ANK3: variants seen among roughly 807,000 people sequenced by gnomAD.
ANK3 encodes the protein ankyrin 3.
In ANK3, 57 loss-of-function variants were observed where a neutral mutation model predicts 370.9. The observed-to-expected ratio is 0.15, with a 90% confidence interval of 0.12 to 0.19. The LOEUF is 0.19. ANK3 is among the 10% of genes least tolerant of loss of function. The pLI is 1.00. For missense variants in ANK3, 4,439 were observed against 5,302.1 expected, an observed-to-expected ratio of 0.84 and a Z score of 5.06; for synonymous variants, 1,929 against 1,946.3, an observed-to-expected ratio of 0.99 and a Z score of 0.23.
intron 1 of ANK3, among the ~76,000 whole-genome samples, chr10:60,295,281 G>A (rs896617982): frequency 6.6e-6 from 1 of 152,084 alleles, no homozygotes; most frequent in Non-Finnish European, 1.5e-5. Flanking sequence ...TGTGACTTTG[G>A]CCAAGATACT....
At chr10:60,443,397 T>A (rs1207177320) in intron 2 of ANK3, among the ~76,000 whole-genome samples, 1 of 151,980 alleles carries the variant, frequency 6.6e-6, no homozygotes, top group Non-Finnish European at 1.5e-5. Context: ...CTTCACTTTG[T>A]TTTTTCTGGA....
At chr10:60,345,654 A>C (rs2055284462) in intron 1 of ANK3, among the ~76,000 whole-genome samples, 2 of 152,180 alleles carry the variant, frequency 1.3e-5, no homozygotes, top group African/African-American at 4.8e-5. Flanking sequence ...CAGTTCATTC[A>C]TCCAACACAT....
At chr10:60,293,961 T>C (rs987597036) in intron 1 of ANK3, among the ~76,000 whole-genome samples, 1 of 152,258 alleles carries the variant, frequency 6.6e-6, no homozygotes, top group African/African-American at 2.4e-5. Context: ...TGGTATGTTA[T>C]GAATCAGAAC....
chr10:60,390,603 G>T (rs139578151), upstream of ANK3, among the ~76,000 whole-genome samples: 520 of 152,088 alleles, frequency 3.4e-3, 3 homozygotes, highest in South Asian at 0.022. Flanking sequence ...GCACACACCG[G>T]AAGAAATCTA....
At chr10:60,085,045 GA>G in intron 31 of ANK3, 111 bp downstream of exon 31, 1 of 911,454 alleles carries the variant, frequency 1.1e-6, no homozygotes, top group South Asian at 1.9e-5. Context: ...AAATACTACG[GA>G]TTTTTTTTCT....
At chr10:60,302,477 C>G (rs35628300) in intron 1 of ANK3, among the ~76,000 whole-genome samples, 15,340 of 152,072 alleles carry the variant, frequency 0.1, 979 homozygotes, top group Non-Finnish European at 0.15. Context: ...ATGCAAGGCA[C>G]TATATTAATT....
At chr10:60,660,887 G>A (rs1455347429) in intron 1 of ANK3, among the ~76,000 whole-genome samples, 1 of 150,972 alleles carries the variant, frequency 6.6e-6, no homozygotes, top group Non-Finnish European at 1.5e-5. Context: ...AGAAAAAAAG[G>A]AGCAAACCTC....
intron 42 of ANK3, among the ~76,000 whole-genome samples, chr10:60,052,374 G>C (rs544368770): frequency 1.2e-4 from 18 of 152,042 alleles, no homozygotes; most frequent in Non-Finnish European, 2.2e-4. Context: ...AGCATATTTT[G>C]GCACATATAT....
At chr10:60,108,793 T>C (rs767943169) in intron 27 of ANK3, 37 bp downstream of exon 27, 1 of 1,573,978 alleles carries the variant, frequency 6.4e-7, no homozygotes, top group East Asian at 2.2e-5. Flanking sequence ...AAAGATGCAT[T>C]GTGAGGGCCA....
chr10:60,042,694 C>G lies in ANK3; in HGVS notation c.13131G>C (p.Ser4377=), dbSNP rs1480238787. The G allele has an allele frequency of 6.2e-7, 1 of 1,613,724 alleles. No homozygotes were observed. The highest frequency in any genetic ancestry group is 1.3e-5 in the African/African-American group (1 of 74,690). Residue 4377 remains serine (S), a synonymous_variant, in exon 43 of 44, where the codon TCG becomes TCC. Coordinates refer to ENST00000280772, the MANE Select transcript of ANK3 (RefSeq NM_020987.5). The part of the protein sequence containing the change: ...EIRHVEKKSH[S] ...CACCTTGACTGACCGTTCGCTGTTA[C>G]GAGTGGCTCTTCTTTTCCACATGCC...
rs1007940222 is a variant in ANK3, at chr10:60,075,339, A to G, written c.5542T>C (p.Ser1848Pro). 8.7e-6 allele frequency: 14 copies of G among 1,614,046 alleles called. No individual in the cohort carries two copies. The highest frequency in any genetic ancestry group is 2.7e-5 in the African/African-American group (2 of 74,938). The change falls in exon 37 of 44, where the codon TCA becomes CCA. Residue 1848 changes from serine to proline, a missense_variant. By Grantham distance (74) the Ser-to-Pro change is moderately conservative (BLOSUM62 -1). Around this residue, in one of 13 missense-constraint regions of ANK3, gnomAD observed 679 missense variants for 791.0 expected, o/e 0.86. Coordinates refer to ENST00000280772, the MANE Select transcript of ANK3 (RefSeq NM_020987.5). ...ATGGGTGACAGCAAGGCTGCTGCTGATTTTGTAAATGAATTAGAGTCTGGA... is the reference window on the plus strand; with the variant it reads ...ATGGGTGACAGCAAGGCTGCTGCTGGTTTTGTAAATGAATTAGAGTCTGGA... ...KLPDSNSFTK[S>P]AAALLSPIKT...
rs745956098 is a variant in ANK3 at position 60,074,333 on chromosome 10, A to G, written c.6548T>C (p.Val2183Ala). The change falls in exon 37 of 44, where the codon GTT (valine) becomes GCT (alanine). Residue 2183 changes from valine to alanine, a missense_variant. By Grantham distance (64) the Val-to-Ala change is moderately conservative. Coordinates refer to ENST00000280772, the MANE Select transcript of ANK3 (RefSeq NM_020987.5). ...IRSYDPSAGDVPQTQPEEPVS... is the reference protein window; with the variant it reads ...IRSYDPSAGDAPQTQPEEPVS... The stretch of plus-strand genomic sequence containing the variant: ...AGGCTCCTCTGGTTGGGTCTGGGGA[A>G]CATCCCCAGCTGAGGGATCATAGCT... 6.2e-7 allele frequency: 1 copy of G among 1,613,938 alleles called. No individual in the cohort carries two copies. Among genetic ancestry groups the G allele is most frequent in the Non-Finnish European group, 8.5e-7 (1 of 1,179,966 alleles).
chr10:60,096,186 GAAATA>G (rs891757717), intron 28 of ANK3, among the ~76,000 whole-genome samples: 5 of 151,962 alleles, frequency 3.3e-5, no homozygotes, highest in South Asian at 2.1e-4. Flanking sequence ...AATAAAGAAA[GAAATA>G]AAATAAAATA....
At chr10:60,300,785 C>G (rs1290330808) in intron 1 of ANK3, among the ~76,000 whole-genome samples, 1 of 152,118 alleles carries the variant, frequency 6.6e-6, no homozygotes, top group East Asian at 1.9e-4. Context: ...AAAGACAATA[C>G]CACCATTTTC....
At chr10:60,416,198 G>A (rs1311426338) in intron 2 of ANK3, among the ~76,000 whole-genome samples, 2 of 152,060 alleles carry the variant, frequency 1.3e-5, no homozygotes, top group African/African-American at 2.4e-5. Flanking sequence ...CTGACACTGT[G>A]AGAAATAGAT....
intron 23 of ANK3, among the ~76,000 whole-genome samples, chr10:60,165,245 C>A (rs1482399455): frequency 2.0e-5 from 3 of 152,098 alleles, no homozygotes; most frequent in African/African-American, 7.2e-5. Context: ...GTAAGAATAT[C>A]ATTTTTTCTT....
intron 2 of ANK3, among the ~76,000 whole-genome samples, chr10:60,493,213 G>A (rs2075569400): frequency 6.6e-6 from 1 of 152,138 alleles, no homozygotes; most frequent in South Asian, 2.1e-4. Flanking sequence ...TAATGGCTAG[G>A]AATATTGCTA....
At position 60,071,702 on chromosome 10, in the gene ANK3, G is replaced by C; in HGVS notation, c.9179C>G (p.Ser3060Cys). Residue 3060 changes from serine to cysteine, a missense_variant, in exon 37 of 44, where the codon TCT becomes TGT. Coordinates refer to ENST00000280772, the MANE Select transcript of ANK3 (RefSeq NM_020987.5). Reference protein sequence around the residue: ...DSLEFSPGKESPSSDVFDHSP... With the variant: ...DSLEFSPGKECPSSDVFDHSP... ...GTGGTCGAATACATCACTAGAGGGA[G>C]ATTCCTTTCCTGGGCTAAACTCTAA... 1.3e-6 allele frequency: 2 copies of C among 1,598,670 alleles called. No individual in the cohort carries two copies. Among genetic ancestry groups the C allele is most frequent in the South Asian group, 2.3e-5 (2 of 87,418 alleles).
At chr10:60,128,767 T>C (rs2093912243) in intron 25 of ANK3, among the ~76,000 whole-genome samples, 1 of 152,208 alleles carries the variant, frequency 6.6e-6, no homozygotes, top group Non-Finnish European at 1.5e-5. Flanking sequence ...TCACTTAGAA[T>C]AGTTCCAGGC....
Sources: allele counts gnomAD v4.1 joint callset (sites outside exome capture counted in the v4.1 genomes callset), GRCh38; gene constraint gnomAD v4.1.1; regional missense constraint gnomAD v4.1.1; transcripts MANE v1.5; gene names NCBI Gene and HGNC (gene_info 2026-07-23, HGNC 2026-07-21).